The following ACOT11 variants were observed in gnomAD, a reference collection of about 807,000 sequenced individuals.
The protein encoded by ACOT11 is acyl-coenzyme A thioesterase 11.
ACOT11 carries 69 observed loss-of-function variants against 77.5 expected under a neutral mutation model. The ratio of observed to expected loss-of-function variants is 0.89; its 90% confidence interval spans 0.73 to 1.09. The LOEUF (loss-of-function observed/expected upper bound fraction) is 1.09, where lower values mean the gene tolerates loss of function less well. Among genes scored for constraint, ACOT11 ranks in the 50% least tolerant of loss-of-function variants. ACOT11 has a pLI of 0.00. For missense variants in ACOT11, 766 were observed against 813.7 expected (o/e 0.94, Z 0.71); for synonymous variants, 279 against 313.0 (o/e 0.89, Z 1.15).
In ACOT11 at chr1:54,599,329, C is replaced by T; in HGVS notation, c.798C>T (p.Ala266=). Residue 266 remains alanine, a synonymous_variant, in exon 8 of 16, where the codon GCC becomes GCT. Transcript: ENST00000343744. ...RLCRAHPTLK[A]IEMFHFRGPS... ...GCCGTGCCCACCCTACGCTGAAGGCCATTGAAATGTTCCACTTCCGAGGCC... is the reference window on the plus strand; with the variant it reads ...GCCGTGCCCACCCTACGCTGAAGGCTATTGAAATGTTCCACTTCCGAGGCC... 1 of 1,608,020 alleles carries T rather than the reference C, an allele frequency of 6.2e-7. No homozygotes were observed. The highest frequency in any genetic ancestry group is 2.2e-5 in the East Asian group (1 of 44,718).
chr1:54,600,809 G>A (rs1034412780), intron 8 of ACOT11, among the ~76,000 whole-genome samples: 5 of 152,140 alleles, frequency 3.3e-5, no homozygotes, highest in Admixed American at 1.3e-4. Context: ...TAATTAGGCC[G>A]TCCACCTCCA....
chr1:54,597,726 G>A (rs1023113344), intron 7 of ACOT11: 28 of 356,998 alleles, frequency 7.8e-5, no homozygotes, highest in Non-Finnish European at 1.3e-4. Context: ...ATCTATGTTC[G>A]CTTCACATCA....
At position 54,633,774 on chromosome 1, in the gene ACOT11, C is replaced by T. The variant is rs1177661873; in HGVS notation, c.1783-914C>T. On this transcript the variant is annotated intron_variant, in intron 16 of 16. Coordinates refer to the ACOT11 transcript ENST00000371316. The stretch of plus-strand genomic sequence containing the variant: ...CCTGCTCTAGGCATTCCTACCTATG[C>T]CAGGAGTAATCTGTTTTCTATCCTT... Among the ~76,000 whole-genome samples the T allele has an allele frequency of 3.3e-5, 5 of 152,322 alleles. No homozygotes were observed. In the South Asian group the frequency reaches 6.2e-4, roughly 19 times the overall value.
intron 3 of ACOT11, among the ~76,000 whole-genome samples, chr1:54,590,459 G>A (rs1654669035): frequency 6.6e-6 from 1 of 152,168 alleles, no homozygotes; most frequent in Non-Finnish European, 1.5e-5. Flanking sequence ...ACAGAGGGCA[G>A]TCAGGAAGGA....
chr1:54,548,392 C>G (rs1042637919), intron 1 of ACOT11, 50 bp downstream of exon 1: 14 of 1,569,802 alleles, frequency 8.9e-6, no homozygotes, highest in Non-Finnish European at 1.2e-5. Flanking sequence ...GCTGGGCACC[C>G]AGAAAGAGAT....
chr1:54,555,967 C>T (rs971258460), intron 1 of ACOT11, among the ~76,000 whole-genome samples: 6 of 152,104 alleles, frequency 3.9e-5, no homozygotes, highest in African/African-American at 7.2e-5. Context: ...AGCTTAGTCT[C>T]GAACTCCTGA....
intron 8 of ACOT11, 37 bp from the exon 9 acceptor site, chr1:54,601,232 G>A: frequency 6.3e-7 from 1 of 1,595,794 alleles, no homozygotes; most frequent in South Asian, 1.1e-5. Context: ...CCTTGGGAAG[G>A]TCTGTCCAGG....
Position 54,609,796 on chromosome 1 carries a change from G to A in ACOT11, c.*684G>A. On this transcript the variant is annotated 3_prime_UTR_variant, in exon 16 of 16. Coordinates refer to ENST00000343744, the MANE Select transcript of ACOT11 (RefSeq NM_147161.4). The stretch of plus-strand genomic sequence containing the variant: ...CGGGCTCCGCTATTTGCAAATGGAT[G>A]CCCCAGTGTCCGGGATGTGTGGCCA... 1.9e-6 allele frequency: 3 copies of A among 1,614,202 alleles called. No individual in the cohort carries two copies. Among genetic ancestry groups the A allele is most frequent in the Non-Finnish European group, 2.5e-6 (3 of 1,180,020 alleles).
intron 15 of ACOT11, among the ~76,000 whole-genome samples, chr1:54,629,983 T>G (rs2101032923): frequency 7.4e-6 from 1 of 134,312 alleles, no homozygotes; most frequent in African/African-American, 2.5e-5. Flanking sequence ...CACTGCAAGC[T>G]CTGCCTCCCG....
intron 15 of ACOT11, among the ~76,000 whole-genome samples, chr1:54,617,613 C>T (rs551325154): frequency 1.8e-4 from 28 of 151,548 alleles, no homozygotes; most frequent in African/African-American, 6.8e-4. Context: ...CTCTGAGTTC[C>T]AGGCACCCAG....
At position 54,608,154 on chromosome 1, in the gene ACOT11, A is replaced by G; in HGVS notation, c.1629+86A>G. On this transcript the variant is annotated intron_variant, in intron 15 of 15. Transcript: ENST00000343744. ...TTGAGCTCAGCACTGCTGGGCTAGG[A>G]TAGTCTCAGAGCTGGCCCCCCAGCA... 4 of 1,436,098 alleles carry G rather than the reference A, an allele frequency of 2.8e-6. No homozygotes were observed. The South Asian group carries it at 4.1e-5, about 15-fold the overall frequency. 89.0% of individuals were successfully genotyped at this position (1,436,098 alleles called of 1,614,324 possible). A position where few individuals can be genotyped will look rare whatever the true frequency, so the allele number is the denominator to read the frequency against.
At chr1:54,580,368 A>G (rs1025557960) in intron 1 of ACOT11, among the ~76,000 whole-genome samples, 3 of 152,106 alleles carry the variant, frequency 2.0e-5, no homozygotes, top group Admixed American at 2.0e-4. Context: ...ACTTTAGGGC[A>G]TACCTTCTCC....
At chr1:54,624,163 A>G (rs1383023352) in intron 15 of ACOT11, among the ~76,000 whole-genome samples, 1 of 151,996 alleles carries the variant, frequency 6.6e-6, no homozygotes, top group African/African-American at 2.4e-5. Flanking sequence ...TATTCTGAGG[A>G]CCCCAGAATT....
At chr1:54,555,946 C>T (rs991403782) in intron 1 of ACOT11, among the ~76,000 whole-genome samples, 1 of 152,074 alleles carries the variant, frequency 6.6e-6, no homozygotes, top group East Asian at 1.9e-4. Flanking sequence ...TGGGATTTCA[C>T]CATGTTGGCC....
chr1:54,605,201 G>A lies in ACOT11; in HGVS notation c.1362G>A (p.Lys454=), dbSNP rs762867883. The change falls in exon 13 of 16, where the codon AAG becomes AAA. Residue 454 remains lysine (K), a synonymous_variant. Transcript: ENST00000343744. The part of the protein sequence containing the change: ...SDLRQRPEWD[K]HYRSVELVQQ... ...TGCGTCAGAGGCCAGAGTGGGACAA[G>A]CACTACCGGTGAGGGGCCAGGGTGA... 3 of 1,613,040 alleles carry A rather than the reference G, an allele frequency of 1.9e-6. No homozygotes were observed. The African/African-American group carries it at 4.0e-5, about 22-fold the overall frequency.
intron 13 of ACOT11, among the ~76,000 whole-genome samples, chr1:54,606,562 C>T (rs983782815): frequency 6.6e-6 from 1 of 152,184 alleles, no homozygotes; most frequent in Non-Finnish European, 1.5e-5. Context: ...CCTGGACACA[C>T]CCCAGCCCTG....
chr1:54,610,258 T>A lies in ACOT11; in HGVS notation c.*1146T>A. On this transcript the variant is annotated 3_prime_UTR_variant, in exon 16 of 16. Coordinates refer to ENST00000343744, the MANE Select transcript of ACOT11 (RefSeq NM_147161.4). ...GTGCTCTTGACATCACTGTACTCCC[T>A]CTCCCTCCCCGCAACCCTGCCCCAC... 1 of 1,470,130 alleles carries A rather than the reference T, an allele frequency of 6.8e-7. No individual in the cohort carries two copies. The highest frequency in any genetic ancestry group is 9.0e-7 in the Non-Finnish European group (1 of 1,117,048). The allele number at this position is 1,470,130 out of a possible 1,614,324, so 91.1% of individuals were successfully genotyped here. A position where few individuals can be genotyped will look rare whatever the true frequency, so the allele number is the denominator to read the frequency against.
intron 12 of ACOT11, 52 bp from the exon 13 acceptor site, chr1:54,605,024 C>T: frequency 6.4e-7 from 1 of 1,562,122 alleles, no homozygotes; most frequent in East Asian, 2.3e-5. Flanking sequence ...CCAGCATCCC[C>T]ATCAGTCCAC....
chr1:54,554,349 ATATTTT>A (rs1653185288), intron 1 of ACOT11, among the ~76,000 whole-genome samples: 1 of 79,104 alleles, frequency 1.3e-5, no homozygotes, highest in African/African-American at 4.1e-5. Flanking sequence ...ATATATATAT[ATATTTT>A]TTTTTTTTTT....
Sources: allele counts gnomAD v4.1 joint callset (sites outside exome capture counted in the v4.1 genomes callset), GRCh38; gene constraint gnomAD v4.1.1; transcripts MANE v1.5; gene names NCBI Gene and HGNC (gene_info 2026-07-23, HGNC 2026-07-21).